CSMD1: variants seen among roughly 807,000 people sequenced by gnomAD.
CSMD1 encodes CUB and sushi domain-containing protein 1.
In CSMD1, 213 loss-of-function variants were observed where a neutral mutation model predicts 417.5. The observed-to-expected ratio is 0.51, with a 90% CI of 0.46 to 0.57. CSMD1 has a LOEUF of 0.57. Ranked by LOEUF, CSMD1 falls within the 20% of genes least tolerant of loss-of-function variation. CSMD1 has a pLI of 0.00. For synonymous variants in CSMD1, 2,862 were observed against 1,736.8 expected (o/e 1.65, Z -16.11); for missense variants, 6,923 against 4,529.7 (o/e 1.53, Z -15.17).
intron 3 of CSMD1, among the ~76,000 whole-genome samples, chr8:4,073,559 T>C (rs570959390): frequency 6.6e-5 from 10 of 152,266 alleles, no homozygotes; most frequent in African/African-American, 2.4e-4. Flanking sequence ...AACCATGCTA[T>C]TAATCCTACA....
At chr8:3,924,337 G>A (rs1015390562) in intron 5 of CSMD1, among the ~76,000 whole-genome samples, 1 of 152,088 alleles carries the variant, frequency 6.6e-6, no homozygotes. Flanking sequence ...AGTTTAAAGT[G>A]TCTCAATGAG....
chr8:4,182,484 G>C lies in CSMD1; in HGVS notation c.416-150385C>G, dbSNP rs555777078. 3.9e-5 allele frequency among the ~76,000 whole-genome samples: 6 copies of C among 152,196 alleles called. No homozygotes were observed. The South Asian group carries it at 8.3e-4, about 21-fold the overall frequency. On this transcript the variant is annotated intron_variant, in intron 3 of 69. Coordinates refer to ENST00000635120, the MANE Select transcript of CSMD1 (RefSeq NM_033225.6). ...AAACATTGTTTTAATAATCAAATAA[G>C]ATACGTCACATTATTAGCGAAATGT...
chr8:3,396,199 T>G lies in CSMD1; in HGVS notation c.2588A>C (p.Tyr863Ser). The change falls in exon 17 of 70, where the codon TAT (tyrosine) becomes TCT (serine). Residue 863 changes from tyrosine to serine, a missense_variant. By Grantham distance (144) the Tyr-to-Ser change is moderately radical. Coordinates refer to ENST00000635120, the MANE Select transcript of CSMD1 (RefSeq NM_033225.6). The stretch of plus-strand genomic sequence containing the variant: ...CAAGGGAAGGTGCAACTCACTCTCA[T>G]AGTGGATGAGGAAGCCGATGCTGGA... Reference protein sequence around the residue: ...SRSSIGFLIHYESVTLESDSC... With the variant: ...SRSSIGFLIHSESVTLESDSC... 6.4e-7 allele frequency: 1 copy of G among 1,558,978 alleles called. No individual in the cohort carries two copies. Among genetic ancestry groups the G allele is most frequent in the Non-Finnish European group, 8.7e-7 (1 of 1,151,500 alleles).
intron 3 of CSMD1, among the ~76,000 whole-genome samples, chr8:4,275,791 A>C (rs893366180): frequency 2.6e-5 from 4 of 152,236 alleles, no homozygotes; most frequent in Non-Finnish European, 5.9e-5. Context: ...AAAATGCTAT[A>C]ACTTTGGCAT....
At chr8:4,392,437 C>T (rs576075192) in intron 3 of CSMD1, among the ~76,000 whole-genome samples, 18 of 151,932 alleles carry the variant, frequency 1.2e-4, no homozygotes, top group African/African-American at 3.6e-4. Flanking sequence ...AGCCAAAGAA[C>T]GTAAACTTTT....
intron 5 of CSMD1, among the ~76,000 whole-genome samples, chr8:3,922,263 T>G (rs1342239285): frequency 3.9e-5 from 6 of 152,100 alleles, no homozygotes; most frequent in Admixed American, 1.3e-4. Context: ...AACCTATGTG[T>G]GCTCTTAAAA....
intron 5 of CSMD1, among the ~76,000 whole-genome samples, chr8:3,760,289 C>A (rs918426904): frequency 6.6e-5 from 10 of 152,014 alleles, no homozygotes; most frequent in African/African-American, 2.4e-4. Context: ...CTAAGAATAC[C>A]AAATTAAGCA....
At chr8:3,308,217 T>C (rs1805038989) in intron 24 of CSMD1, 95 bp downstream of exon 24, 1 of 927,258 alleles carries the variant, frequency 1.1e-6, no homozygotes, top group Non-Finnish European at 1.6e-6. Context: ...GTGATAAAAT[T>C]CCTCCTCTTT....
At chr8:4,116,101 C>G (rs758383083) in intron 3 of CSMD1, among the ~76,000 whole-genome samples, 2 of 151,784 alleles carry the variant, frequency 1.3e-5, no homozygotes, top group South Asian at 2.1e-4. Context: ...TGGGTTCAAG[C>G]GATTTTCCTA....
Position 3,470,234 on chromosome 8 carries a change from G to A in CSMD1, c.1449-1410C>T, listed in dbSNP as rs148408974. On this transcript the variant is annotated intron_variant, in intron 11 of 69. Coordinates refer to ENST00000635120, the MANE Select transcript of CSMD1 (RefSeq NM_033225.6). ...TAACATTTTGTTCAACATGATTTTG[G>A]TGAAATGTATTCATGTTATTGTTTG... is the stretch of plus-strand genomic sequence containing the variant. Among the ~76,000 whole-genome samples, 34 of 152,088 alleles carry A rather than the reference G, an allele frequency of 2.2e-4. No individual in the cohort carries two copies. In the East Asian group the frequency reaches 6.0e-3, roughly 27 times the overall value.
At chr8:4,823,286 C>T (rs1260693074) in intron 1 of CSMD1, among the ~76,000 whole-genome samples, 1 of 151,862 alleles carries the variant, frequency 6.6e-6, no homozygotes, top group East Asian at 1.9e-4. Context: ...GAATTAAAAA[C>T]AATTAATTAT....
At chr8:3,763,347 G>C (rs982475493) in intron 5 of CSMD1, among the ~76,000 whole-genome samples, 2 of 152,110 alleles carry the variant, frequency 1.3e-5, no homozygotes, top group African/African-American at 4.8e-5. Flanking sequence ...GGTGTCATGG[G>C]GGCAGAACCC....
At chr8:4,325,817 G>T (rs537949829) in intron 3 of CSMD1, among the ~76,000 whole-genome samples, 1 of 152,116 alleles carries the variant, frequency 6.6e-6, no homozygotes, top group Non-Finnish European at 1.5e-5. Context: ...ATGACCCTGA[G>T]AACGACTGTA....
At chr8:3,922,664 T>A (rs1006693837) in intron 5 of CSMD1, among the ~76,000 whole-genome samples, 6 of 152,192 alleles carry the variant, frequency 3.9e-5, no homozygotes, top group Non-Finnish European at 8.8e-5. Context: ...TAACTTTTAA[T>A]TGTGCTTTTC....
At chr8:3,569,474 C>T (rs1021300355) in intron 10 of CSMD1, among the ~76,000 whole-genome samples, 1 of 152,132 alleles carries the variant, frequency 6.6e-6, no homozygotes. Flanking sequence ...TTTGTATTGA[C>T]TAAGAGAGAA....
intron 7 of CSMD1, among the ~76,000 whole-genome samples, chr8:3,640,154 C>G (rs898491452): frequency 6.6e-6 from 1 of 152,156 alleles, no homozygotes; most frequent in Non-Finnish European, 1.5e-5. Flanking sequence ...AGACTTCGCT[C>G]TGAGAAAACT....
intron 1 of CSMD1, among the ~76,000 whole-genome samples, chr8:4,941,080 A>T (rs1366905415): frequency 6.6e-6 from 1 of 152,354 alleles, no homozygotes; most frequent in Admixed American, 6.5e-5. Flanking sequence ...AACCATCTCA[A>T]ACATAATTAT....
At chr8:3,500,228 T>G (rs995461529) in intron 10 of CSMD1, among the ~76,000 whole-genome samples, 1 of 152,200 alleles carries the variant, frequency 6.6e-6, no homozygotes, top group Non-Finnish European at 1.5e-5. Flanking sequence ...GACACTGCAC[T>G]TGACATGTGC....
At position 4,911,119 on chromosome 8, in the gene CSMD1, C is replaced by G. The variant is rs111317805; in HGVS notation, c.85+83213G>C. ...ATGTGGAACTGTAAGTCCATTAAAC[C>G]TCTTTCTTTTGTAAATTCTCCAGTC... On this transcript the variant is annotated intron_variant, in intron 1 of 69. Coordinates refer to ENST00000635120, the MANE Select transcript of CSMD1 (RefSeq NM_033225.6). Among the ~76,000 whole-genome samples the G allele has an allele frequency of 4.7e-3, 710 of 152,294 alleles. 10 individuals carry two copies. The highest frequency in any genetic ancestry group is 0.016 in the African/African-American group (652 of 41,552).
Sources: gnomAD v4.1 joint callset for allele counts (sites outside exome capture counted in the v4.1 genomes callset) on GRCh38, gnomAD v4.1.1 for gene constraint, MANE v1.5 for transcripts, NCBI Gene and HGNC (gene_info 2026-07-23, HGNC 2026-07-21) for gene names.